The following ZNF232 variants were observed in gnomAD, a reference collection of about 807,000 sequenced individuals.
ZNF232 encodes zinc finger protein 232.
A neutral mutation model predicts 25.2 loss-of-function variants in ZNF232; 25 were observed. That is an observed-to-expected ratio of 0.99 (90% confidence interval 0.72 to 1.39). ZNF232 has a LOEUF of 1.39. ZNF232 is among the 40% of genes most tolerant of loss of function. The pLI is 0.00. For synonymous variants in ZNF232, 193 were observed against 182.9 expected (o/e 1.06, Z -0.45); for missense variants, 519 against 520.9 (o/e 1.00, Z 0.04).
chr17:5,122,658 C>T lies in ZNF232; in HGVS notation c.-530+319G>A, dbSNP rs1286008845. Among the ~76,000 whole-genome samples, 3 of 152,336 alleles carry T rather than the reference C, an allele frequency of 2.0e-5. No homozygotes were observed. In the East Asian group the frequency reaches 5.8e-4, roughly 29 times the overall value. On this transcript the variant is annotated intron_variant, in intron 1 of 4. Coordinates refer to the ZNF232 transcript ENST00000250076. ...GGCTGCAACGCGTGTCTCCCCTGGACACAGCTCCGCCCTTCCCGGGAACAA... is the reference window on the plus strand; with the variant it reads ...GGCTGCAACGCGTGTCTCCCCTGGATACAGCTCCGCCCTTCCCGGGAACAA...
chr17:5,111,261 G>A (rs577362666), intron 1 of ZNF232: 1 of 154,248 alleles, frequency 6.5e-6, no homozygotes, highest in African/African-American at 2.4e-5. Context: ...TTTTTTCCGT[G>A]ACTCAGTTTC....
intron 1 of ZNF232, among the ~76,000 whole-genome samples, chr17:5,120,426 G>A (rs958990162): frequency 2.0e-5 from 3 of 152,136 alleles, no homozygotes; most frequent in African/African-American, 7.2e-5. Context: ...GTTGTGGGAG[G>A]TTGCTGATAT....
intron 1 of ZNF232, among the ~76,000 whole-genome samples, chr17:5,119,893 G>A (rs1384828973): frequency 6.6e-6 from 1 of 152,092 alleles, no homozygotes; most frequent in African/African-American, 2.4e-5. Context: ...CGGCTGCACA[G>A]GGACCCCTCC....
upstream of ZNF232, chr17:5,116,339 T>TCCCGGCGGCCCCCC (rs1421095921): frequency 3.6e-5 from 5 of 139,360 alleles, no homozygotes; most frequent in Non-Finnish European, 6.8e-5. Flanking sequence ...CACTCCCGGC[T>TCCCGGCGGCCCCCC]TCCCGGGGCT....
intron 2 of ZNF232, 153 bp from the exon 3 acceptor site, chr17:5,109,205 G>C (rs756967632): frequency 2.8e-5 from 35 of 1,271,690 alleles, no homozygotes; most frequent in Non-Finnish European, 3.9e-5. Context: ...CACAAGGGAA[G>C]AAGAGGAGCT....
At chr17:5,110,996 C>T (rs2072393754) in intron 1 of ZNF232, 1 of 152,182 alleles carries the variant, frequency 6.6e-6, no homozygotes, top group Non-Finnish European at 1.5e-5. Context: ...CCACATGTTG[C>T]ACGTGAAAAG....
intron 1 of ZNF232, chr17:5,120,542 C>G (rs908774838): frequency 2.0e-5 from 7 of 350,826 alleles, no homozygotes; most frequent in African/African-American, 1.5e-4. Context: ...TCATCTGCAC[C>G]TGTCTCTCCG....
intron 1 of ZNF232, chr17:5,120,478 A>G (rs760836193): frequency 3.1e-6 from 1 of 319,370 alleles, no homozygotes; most frequent in Non-Finnish European, 6.1e-6. Context: ...ATCCACCTCC[A>G]CCTTCAGGGT....
At chr17:5,113,220 C>T (rs2072459368), upstream of ZNF232, 1 of 152,184 alleles carries the variant, frequency 6.6e-6, no homozygotes, top group African/African-American at 2.4e-5. Flanking sequence ...TTCAAAGTGC[C>T]ATTGATAATT....
chr17:5,111,177 G>C (rs1381467672), intron 1 of ZNF232: 1 of 152,396 alleles, frequency 6.6e-6, no homozygotes, highest in East Asian at 1.9e-4. Flanking sequence ...TTGCCAGGGT[G>C]AGGGAGGCCA....
At chr17:5,107,617 C>A (rs551697113) in intron 3 of ZNF232, among the ~76,000 whole-genome samples, 4 of 149,592 alleles carry the variant, frequency 2.7e-5, no homozygotes, top group African/African-American at 7.4e-5. Context: ...TGGCTCACTG[C>A]AACCTCTGCT....
chr17:5,122,240 C>T lies in ZNF232; in HGVS notation c.-530+737G>A, dbSNP rs539323357. On this transcript the variant is annotated intron_variant, in intron 1 of 4. Coordinates refer to the ZNF232 transcript ENST00000250076. ...CCTGGATCTCAGGGTAAGCGTGACT[C>T]ACAGTCAGGACTCAGTAAGTGTGGG... is the stretch of plus-strand genomic sequence containing the variant. Among the ~76,000 whole-genome samples the T allele has an allele frequency of 1.1e-4, 16 of 152,160 alleles. No individual in the cohort carries two copies. In the South Asian group the frequency reaches 3.3e-3, roughly 32 times the overall value.
intron 3 of ZNF232, 41 bp downstream of exon 3, chr17:5,108,883 TCC>T: frequency 6.2e-7 from 1 of 1,612,958 alleles, no homozygotes; most frequent in Non-Finnish European, 8.5e-7. Flanking sequence ...CCCTTTATAG[TCC>T]CTCTTTCTCC....
upstream of ZNF232, chr17:5,113,828 A>G (rs778490648): frequency 3.9e-5 from 6 of 152,224 alleles, no homozygotes; most frequent in Non-Finnish European, 8.8e-5. Context: ...CGGTGCTGCT[A>G]AACAGGACAC....
chr17:5,115,965 GA>G (rs1391319759), upstream of ZNF232, among the ~76,000 whole-genome samples: 2 of 152,226 alleles, frequency 1.3e-5, no homozygotes, highest in Non-Finnish European at 2.9e-5. Context: ...TGCGTGCGCC[GA>G]AAGGGCCTCA....
rs2072339505 is a variant in ZNF232, at chr17:5,109,378, A to G, written c.498+16T>C. 1 of 1,613,914 alleles carries G rather than the reference A, an allele frequency of 6.2e-7. No individual in the cohort carries two copies. Among genetic ancestry groups the G allele is most frequent in the Admixed American group, 1.7e-5 (1 of 59,988 alleles). On this transcript the variant is annotated intron_variant, in intron 2 of 3. Transcript: ENST00000575898. The stretch of plus-strand genomic sequence containing the variant: ...ATCAATCTGGCTCCCATAACAGACC[A>G]AATCCCCCTTCCCACCTGCGGCTCT...
At chr17:5,119,545 G>T (rs1487622007) in intron 1 of ZNF232, among the ~76,000 whole-genome samples, 1 of 152,200 alleles carries the variant, frequency 6.6e-6, no homozygotes, top group East Asian at 1.9e-4. Flanking sequence ...CATGCTTCCA[G>T]TCCAGTTCCC....
chr17:5,109,368 A>G (rs763103047), intron 2 of ZNF232, 26 bp downstream of exon 2: 4 of 1,613,804 alleles, frequency 2.5e-6, no homozygotes, highest in South Asian at 1.1e-5. Flanking sequence ...TCTGGCTCCC[A>G]TAACAGACCA....
intron 1 of ZNF232, among the ~76,000 whole-genome samples, chr17:5,117,714 C>T (rs1446345548): frequency 2.0e-5 from 3 of 151,992 alleles, no homozygotes; most frequent in Non-Finnish European, 4.4e-5. Context: ...TGTAGAGAAG[C>T]GTTGGAATCA....
Sources: allele counts gnomAD v4.1 joint callset (sites outside exome capture counted in the v4.1 genomes callset), GRCh38; gene constraint gnomAD v4.1.1; transcripts MANE v1.5; gene names NCBI Gene and HGNC (gene_info 2026-07-23, HGNC 2026-07-21).